IGSF11: variants seen among roughly 807,000 people sequenced by gnomAD.
The protein encoded by IGSF11 is CXADR like 1.
In IGSF11, 22 loss-of-function variants were observed where a neutral mutation model predicts 41.0. The observed-to-expected ratio is 0.54, with a 90% CI of 0.38 to 0.77. IGSF11 has a LOEUF of 0.77. Among genes scored for constraint, IGSF11 ranks in the 30% least tolerant of loss-of-function variants. The pLI, the probability that IGSF11 is intolerant of heterozygous loss-of-function variation, is 0.00. For synonymous variants in IGSF11, 219 were observed against 201.3 expected (o/e 1.09, Z -0.74); for missense variants, 444 against 530.8 (o/e 0.84, Z 1.61).
intron 1 of IGSF11, among the ~76,000 whole-genome samples, chr3:119,142,807 T>G (rs2077667191): frequency 6.6e-6 from 1 of 152,000 alleles, no homozygotes; most frequent in Admixed American, 6.6e-5. Context: ...ACAATAAAAC[T>G]TTCAAAAGAG....
intron 1 of IGSF11, among the ~76,000 whole-genome samples, chr3:119,049,732 T>A (rs1454964455): frequency 1.3e-5 from 2 of 152,076 alleles, no homozygotes; most frequent in African/African-American, 2.4e-5. Flanking sequence ...GGCATCACAC[T>A]ACCTGAATTC....
chr3:118,902,838 T>C lies in IGSF11; in HGVS notation c.978A>G (p.Pro326=), dbSNP rs745360918. ...CTGACTCTGTGTTTCTATGAACTTTTGGATTGTTGCTCCAGTATCGACTGT... is the reference window on the plus strand; with the variant it reads ...CTGACTCTGTGTTTCTATGAACTTTCGGATTGTTGCTCCAGTATCGACTGT... ...AYNSRYWSNN[P]KVHRNTESVS... is the part of the protein sequence containing the mutation. Residue 326 remains proline, a synonymous_variant, in exon 7 of 7, where the codon CCA becomes CCG. Transcript: ENST00000393775. The C allele has an allele frequency of 5.6e-6, 9 of 1,614,232 alleles. No individual in the cohort carries two copies. The highest frequency in any genetic ancestry group is 5.9e-6 in the Non-Finnish European group (7 of 1,180,030).
intron 1 of IGSF11, among the ~76,000 whole-genome samples, chr3:118,944,589 C>T (rs1268973769): frequency 1.3e-5 from 2 of 151,854 alleles, no homozygotes; most frequent in Admixed American, 6.6e-5. Flanking sequence ...TTTTAAATGC[C>T]CTCATGACAC....
intron 1 of IGSF11, among the ~76,000 whole-genome samples, chr3:119,083,089 G>A (rs1292375497): frequency 6.6e-6 from 1 of 150,888 alleles, no homozygotes; most frequent in Non-Finnish European, 1.5e-5. Flanking sequence ...TACCTTCATA[G>A]ACTAATTCCT....
chr3:119,107,599 CCA>C (rs2077056973), upstream of IGSF11, among the ~76,000 whole-genome samples: 1 of 151,918 alleles, frequency 6.6e-6, no homozygotes, highest in African/African-American at 2.4e-5. Flanking sequence ...TAATTAGATC[CCA>C]TTTGTCAATT....
chr3:119,071,657 T>C (rs2076401996), intron 1 of IGSF11, among the ~76,000 whole-genome samples: 1 of 152,356 alleles, frequency 6.6e-6, no homozygotes, highest in East Asian at 1.9e-4. Context: ...ATATAATTTC[T>C]GGACTTCTCA....
At chr3:119,012,989 T>TC (rs1938306466) in intron 1 of IGSF11, 1 of 152,328 alleles carries the variant, frequency 6.6e-6, no homozygotes, top group African/African-American at 2.4e-5. Context: ...CAGCCTCTGC[T>TC]CCCCTTAAAC....
chr3:119,053,990 A>T (rs936920713), intron 1 of IGSF11, among the ~76,000 whole-genome samples: 2 of 152,184 alleles, frequency 1.3e-5, no homozygotes, highest in African/African-American at 4.8e-5. Flanking sequence ...CTGGATCCTC[A>T]TCTCTCACTT....
intron 1 of IGSF11, among the ~76,000 whole-genome samples, chr3:119,130,090 C>T (rs1055082039): frequency 6.6e-6 from 1 of 152,082 alleles, no homozygotes; most frequent in African/African-American, 2.4e-5. Context: ...GGTTTCTGTT[C>T]CAAGATGGCC....
rs139037423 is a variant in IGSF11, at chr3:118,930,309, G to A, written c.53-34C>T. 1,221 of 1,582,724 alleles carry A rather than the reference G, an allele frequency of 7.7e-4. 9 individuals are homozygous for A. In the African/African-American group the frequency reaches 9.7e-3, roughly 13 times the overall value. On this transcript the variant is annotated intron_variant, in intron 1 of 6. Coordinates refer to ENST00000393775, the MANE Select transcript of IGSF11 (RefSeq NM_001015887.3). ...GAAGGAACAGGGAGGTTATATGCTCGCCCTTTCCCAACAGTCCAAACTCCT... is the reference window on the plus strand; with the variant it reads ...GAAGGAACAGGGAGGTTATATGCTCACCCTTTCCCAACAGTCCAAACTCCT...
chr3:118,908,688 G>T (rs1157913218), intron 4 of IGSF11, among the ~76,000 whole-genome samples: 1 of 152,178 alleles, frequency 6.6e-6, no homozygotes, highest in Admixed American at 6.5e-5. Context: ...TTAGTTCATA[G>T]CAACTATGCA....
At chr3:119,033,333 T>C (rs1940597282) in intron 1 of IGSF11, among the ~76,000 whole-genome samples, 1 of 152,180 alleles carries the variant, frequency 6.6e-6, no homozygotes, top group African/African-American at 2.4e-5. Context: ...AGAGAAAAAC[T>C]GGCCATCTCA....
At chr3:119,101,908 A>T (rs2076945920) in intron 1 of IGSF11, among the ~76,000 whole-genome samples, 1 of 152,164 alleles carries the variant, frequency 6.6e-6, no homozygotes, top group Middle Eastern at 3.2e-3. Flanking sequence ...GAATTATAAG[A>T]TTTATCTTAG....
intron 1 of IGSF11, among the ~76,000 whole-genome samples, chr3:119,145,135 A>G (rs1481118778): frequency 2.0e-5 from 3 of 152,222 alleles, no homozygotes; most frequent in Non-Finnish European, 4.4e-5. Flanking sequence ...TATGGTGTCA[A>G]GTGTATCCAC....
At chr3:118,961,311 C>G (rs964606182) in intron 1 of IGSF11, among the ~76,000 whole-genome samples, 3 of 152,226 alleles carry the variant, frequency 2.0e-5, no homozygotes, top group African/African-American at 7.2e-5. Context: ...CTGCATAGAG[C>G]CTGCTCTGCT....
At chr3:119,135,068 G>A (rs921119547) in intron 1 of IGSF11, among the ~76,000 whole-genome samples, 1 of 152,080 alleles carries the variant, frequency 6.6e-6, no homozygotes, top group Admixed American at 6.6e-5. Flanking sequence ...AATTCAAGAC[G>A]GATTAAAGAC....
At chr3:119,050,602 T>C (rs1102592) in intron 1 of IGSF11, among the ~76,000 whole-genome samples, 94,043 of 151,032 alleles carry the variant, frequency 0.62, 29,377 homozygotes, top group South Asian at 0.71. Flanking sequence ...TCCTCAGGGA[T>C]CTAGAACTAG....
At chr3:119,023,779 A>AC (rs1035993499) in intron 1 of IGSF11, among the ~76,000 whole-genome samples, 2 of 152,156 alleles carry the variant, frequency 1.3e-5, no homozygotes, top group Admixed American at 1.3e-4. Context: ...TAACATGCCG[A>AC]CCCCCACTAT....
chr3:119,064,216 A>T (rs1942147132), intron 1 of IGSF11, among the ~76,000 whole-genome samples: 1 of 152,224 alleles, frequency 6.6e-6, no homozygotes, highest in Non-Finnish European at 1.5e-5. Flanking sequence ...TTATATCTGC[A>T]GTCCATATGG....
Sources: gnomAD v4.1 joint callset for allele counts (sites outside exome capture counted in the v4.1 genomes callset) on GRCh38, gnomAD v4.1.1 for gene constraint, MANE v1.5 for transcripts, NCBI Gene and HGNC (gene_info 2026-07-23, HGNC 2026-07-21) for gene names.